The following TENM4 variants were observed in gnomAD, a reference collection of about 807,000 sequenced individuals.
TENM4 encodes teneurin-4.
A neutral mutation model predicts 243.3 loss-of-function variants in TENM4; 82 were observed. The ratio of observed to expected loss-of-function variants is 0.34; its 90% CI spans 0.28 to 0.40. The LOEUF (loss-of-function observed/expected upper bound fraction) is 0.40. Ranked by LOEUF, TENM4 falls within the 10% of genes least tolerant of loss-of-function variation. TENM4 has a pLI of 1.00. For missense variants in TENM4, 3,138 were observed against 3,673.3 expected (o/e 0.85, Z 3.77); for synonymous variants, 1,412 against 1,456.3 (o/e 0.97, Z 0.69).
chr11:79,259,534 C>CACCT (rs1590832140), intron 2 of TENM4, among the ~76,000 whole-genome samples: 2 of 151,184 alleles, frequency 1.3e-5, no homozygotes, highest in South Asian at 4.2e-4. Context: ...TCCATCCACC[C>CACCT]ACCTACCTAC....
intron 6 of TENM4, among the ~76,000 whole-genome samples, chr11:78,934,223 G>C (rs559450932): frequency 6.6e-6 from 1 of 152,120 alleles, no homozygotes. Context: ...GTTTATTCAC[G>C]CATTCATTTG....
intron 15 of TENM4, among the ~76,000 whole-genome samples, chr11:78,794,272 C>T (rs1308750319): frequency 3.3e-5 from 5 of 152,090 alleles, no homozygotes; most frequent in African/African-American, 7.2e-5. Context: ...GGACTGTTTC[C>T]GAAGCACAAT....
chr11:79,313,705 G>A (rs1167326032), intron 1 of TENM4, among the ~76,000 whole-genome samples: 1 of 152,154 alleles, frequency 6.6e-6, no homozygotes, highest in Non-Finnish European at 1.5e-5. Context: ...TCAACAAATG[G>A]CCTCCATCTA....
At chr11:78,915,484 A>G (rs1289544380) in intron 6 of TENM4, among the ~76,000 whole-genome samples, 2 of 152,080 alleles carry the variant, frequency 1.3e-5, no homozygotes, top group Non-Finnish European at 2.9e-5. Context: ...AGGAACTGTC[A>G]CTGATTCTCG....
chr11:78,719,629 T>C (rs1340890500), intron 25 of TENM4, among the ~76,000 whole-genome samples: 1 of 152,196 alleles, frequency 6.6e-6, no homozygotes, highest in African/African-American at 2.4e-5. Context: ...CAGCTCTATC[T>C]GCCCATGGTT....
intron 16 of TENM4, 76 bp from the exon 17 acceptor site, chr11:78,778,704 A>G: frequency 7.3e-7 from 1 of 1,373,044 alleles, no homozygotes; most frequent in South Asian, 1.2e-5. Context: ...ACCATGCCAG[A>G]TGCTACACAG....
intron 1 of TENM4, among the ~76,000 whole-genome samples, chr11:79,349,495 C>T (rs541938948): frequency 6.6e-6 from 1 of 152,312 alleles, no homozygotes; most frequent in East Asian, 1.9e-4. Context: ...ATCAATCAAT[C>T]ATTCCTTCGT....
intron 4 of TENM4, among the ~76,000 whole-genome samples, chr11:79,127,865 T>C (rs1861914859): frequency 6.6e-6 from 1 of 152,234 alleles, no homozygotes; most frequent in African/African-American, 2.4e-5. Flanking sequence ...CCTGTCAAGA[T>C]ATTCCTTCAA....
Position 78,700,867 on chromosome 11 carries a change from G to T in TENM4, c.5087+659C>A, listed in dbSNP as rs548908856. 2.0e-5 allele frequency among the ~76,000 whole-genome samples: 3 copies of T among 152,152 alleles called. No individual in the cohort carries two copies. The East Asian group carries it at 5.8e-4, about 29-fold the overall frequency. ...AAAATCACTTCAGGCAGGGGCAAAG[G>T]GCTCTATATCCTCATTTCCCTACTT... On this transcript the variant is annotated intron_variant, in intron 28 of 33. Coordinates refer to ENST00000278550, the MANE Select transcript of TENM4 (RefSeq NM_001098816.3).
intron 9 of TENM4, among the ~76,000 whole-genome samples, chr11:78,875,451 G>T (rs140374450): frequency 1.1e-3 from 166 of 152,226 alleles, no homozygotes; most frequent in African/African-American, 3.7e-3. Context: ...TGATCTGCCC[G>T]CCTTGGCCTC....
At chr11:79,415,041 A>G (rs565551977) in intron 1 of TENM4, among the ~76,000 whole-genome samples, 3 of 151,960 alleles carry the variant, frequency 2.0e-5, no homozygotes, top group Non-Finnish European at 4.4e-5. Context: ...TCTTCACCCC[A>G]CCACTTTGCA....
intron 6 of TENM4, among the ~76,000 whole-genome samples, chr11:79,059,437 A>G (rs796781028): frequency 5.9e-5 from 9 of 152,252 alleles, no homozygotes; most frequent in African/African-American, 2.2e-4. Flanking sequence ...CTGCTCCTTT[A>G]TTGTCATCAT....
At chr11:79,294,091 C>A (rs1169137441) in intron 2 of TENM4, among the ~76,000 whole-genome samples, 2 of 152,186 alleles carry the variant, frequency 1.3e-5, no homozygotes, top group African/African-American at 4.8e-5. Flanking sequence ...CTAGTCCTGT[C>A]TTTAATGCAT....
At chr11:78,924,265 T>G (rs1328532025) in intron 6 of TENM4, among the ~76,000 whole-genome samples, 4 of 152,208 alleles carry the variant, frequency 2.6e-5, no homozygotes, top group Non-Finnish European at 5.9e-5. Context: ...AAGGGGAAAC[T>G]GGCCTGAGTA....
chr11:79,157,544 C>G (rs1862649379), intron 3 of TENM4, among the ~76,000 whole-genome samples: 1 of 152,190 alleles, frequency 6.6e-6, no homozygotes, highest in South Asian at 2.1e-4. Flanking sequence ...ATCTGTAACT[C>G]AGTACTCTCC....
chr11:78,930,929 C>A (rs2136421633), intron 6 of TENM4, among the ~76,000 whole-genome samples: 1 of 152,274 alleles, frequency 6.6e-6, no homozygotes, highest in South Asian at 2.1e-4. Flanking sequence ...TCATACGGTC[C>A]AGGGGAAGGG....
intron 1 of TENM4, among the ~76,000 whole-genome samples, chr11:79,434,828 T>C (rs2135620986): frequency 6.6e-6 from 1 of 152,316 alleles, no homozygotes; most frequent in Non-Finnish European, 1.5e-5. Context: ...AACCCTGAAA[T>C]GCTACTTTCT....
chr11:79,200,336 C>T (rs1283272219), intron 3 of TENM4, among the ~76,000 whole-genome samples: 1 of 152,220 alleles, frequency 6.6e-6, no homozygotes, highest in African/African-American at 2.4e-5. Flanking sequence ...GCTGGGGCTT[C>T]TCACCCAGGT....
At chr11:79,038,258 T>C (rs2136888520) in intron 6 of TENM4, among the ~76,000 whole-genome samples, 1 of 152,350 alleles carries the variant, frequency 6.6e-6, no homozygotes, top group Non-Finnish European at 1.5e-5. Flanking sequence ...GACCTCTTAT[T>C]CAGCTCCAGG....
Sources: allele counts gnomAD v4.1 joint callset (sites outside exome capture counted in the v4.1 genomes callset), GRCh38; gene constraint gnomAD v4.1.1; transcripts MANE v1.5; gene names NCBI Gene and HGNC (gene_info 2026-07-23, HGNC 2026-07-21).